ADAMTS8: variants seen among roughly 807,000 people sequenced by gnomAD.
ADAMTS8 encodes the protein A disintegrin and metalloproteinase with thrombospondin motifs 8.
Under a neutral mutation model 64.4 loss-of-function variants are expected in ADAMTS8, and 50 were observed. That is an observed-to-expected ratio of 0.78 (90% CI 0.62 to 0.98). The LOEUF (loss-of-function observed/expected upper bound fraction) is 0.98, where lower values mean the gene tolerates loss of function less well. ADAMTS8 is among the 50% of genes least tolerant of loss of function. The probability of loss-of-function intolerance (pLI) is 0.00; values close to 1 mark genes in which losing one functional copy is unlikely to be tolerated. For missense variants in ADAMTS8, 1,192 were observed against 1,208.2 expected (o/e 0.99, Z 0.20); for synonymous variants, 556 against 533.6 (o/e 1.04, Z -0.58).
chr11:130,411,708 T>C lies in ADAMTS8; in HGVS notation c.1567-108A>G. On this transcript the variant is annotated intron_variant, in intron 5 of 8. Coordinates refer to ENST00000257359, the MANE Select transcript of ADAMTS8 (RefSeq NM_007037.6). The surrounding 1 kb of genome is among the most constrained non-coding windows in gnomAD (Gnocchi z 4.2). ...GCTTCCTCATCTAGTCATTATCATC[T>C]TGGTGCATGGAGTGCCGTAAACTGC... is the stretch of plus-strand genomic sequence containing the variant. 8.6e-7 allele frequency: 1 copy of C among 1,163,884 alleles called. No individual in the cohort carries two copies. The highest frequency in any genetic ancestry group is 1.2e-6 in the Non-Finnish European group (1 of 814,790). The allele number at this position is 1,163,884 out of a possible 1,614,324, so 72.1% of individuals were successfully genotyped here. A position where few individuals can be genotyped will look rare whatever the true frequency, so the allele number is the denominator to read the frequency against.
Position 130,428,085 on chromosome 11 carries a change from G to T in ADAMTS8, c.202C>A (p.Leu68Met). Residue 68 changes from leucine to methionine, a missense_variant, in exon 1 of 9, where the codon CTG (leucine) becomes ATG (methionine). Physicochemically the swap from Leu to Met is conservative, Grantham distance 15 (BLOSUM62 2). Coordinates refer to ENST00000257359, the MANE Select transcript of ADAMTS8 (RefSeq NM_007037.6). ...SAFGKGFVLRLAPDDSFLAPE... is the reference protein window; with the variant it reads ...SAFGKGFVLRMAPDDSFLAPE... ...GCTAGGAAGCTGTCGTCGGGCGCCA[G>T]GCGCAGCACGAAGCCCTTGCCGAAG... 6.5e-7 allele frequency: 1 copy of T among 1,538,594 alleles called. No homozygotes were observed. The highest frequency in any genetic ancestry group is 1.2e-5 in the South Asian group (1 of 84,122).
In ADAMTS8 at chr11:130,411,138, G is replaced by GAGCGTAA. The variant is rs2134676346; in HGVS notation, c.1750+272_1750+278dup. ...TCCTCCTCTCCACATCTTGGAAGATGAGCGTAATTTCTCTCCTTGACTTTG... is the reference window on the plus strand; with the variant it reads ...TCCTCCTCTCCACATCTTGGAAGATGAGCGTAAAGCGTAATTTCTCTCCTTGACTTTG... On this transcript the variant is annotated intron_variant, in intron 6 of 8. Transcript: ENST00000257359. This position sits in a 1 kb window ranked among gnomAD's most constrained non-coding sequence, Gnocchi z 4.2. Among the ~76,000 whole-genome samples, 1 of 152,270 alleles carries GAGCGTAA rather than the reference G, an allele frequency of 6.6e-6. No individual in the cohort carries two copies. Among genetic ancestry groups the GAGCGTAA allele is most frequent in the East Asian group, 1.9e-4 (1 of 5,170 alleles).
chr11:130,405,787 A>C lies in ADAMTS8; in HGVS notation c.2441T>G (p.Phe814Cys), dbSNP rs776841022. 4.3e-6 allele frequency: 7 copies of C among 1,614,042 alleles called. No homozygotes were observed. The East Asian group carries it at 1.3e-4, about 31-fold the overall frequency. Residue 814 changes from phenylalanine to cysteine, a missense_variant, in exon 9 of 9, where the codon TTT becomes TGT. By Grantham distance (205) the Phe-to-Cys change is radical (BLOSUM62 -2). Around this residue, in one of 5 missense-constraint regions of ADAMTS8, gnomAD observed 147 missense variants for 154.1 expected, o/e 0.95. Transcript: ENST00000257359. ...YTFFVPNDVD[F>C]SMQSSKERAT... ...TCTCTCTTTGCTGCTCTGCATGCTAAAGTCCACGTCATTAGGAACAAAGAA... is the reference window on the plus strand; with the variant it reads ...TCTCTCTTTGCTGCTCTGCATGCTACAGTCCACGTCATTAGGAACAAAGAA...
chr11:130,428,092 C>G lies in ADAMTS8; in HGVS notation c.195G>C (p.Val65=), dbSNP rs1862202412. 1.1e-5 allele frequency: 17 copies of G among 1,535,600 alleles called. No individual in the cohort carries two copies. The highest frequency in any genetic ancestry group is 1.5e-5 in the Non-Finnish European group (17 of 1,150,512). The stretch of plus-strand genomic sequence containing the variant: ...AGCTGTCGTCGGGCGCCAGGCGCAG[C>G]ACGAAGCCCTTGCCGAAGGCGGACA... ...LHLSAFGKGF[V]LRLAPDDSFL... The change falls in exon 1 of 9, where the codon GTG becomes GTC. Residue 65 remains valine (V), a synonymous_variant. Transcript: ENST00000257359.
chr11:130,419,030 G>T, intron 2 of ADAMTS8, 23 bp downstream of exon 2: 1 of 1,613,510 alleles, frequency 6.2e-7, no homozygotes, highest in Non-Finnish European at 8.5e-7. Context: ...TCCTCCCCAG[G>T]GCTTCCGGAG....
In ADAMTS8 at chr11:130,411,600, G is replaced by C; in HGVS notation, c.1567C>G (p.Pro523Ala). ...GGTGCCCAGCCTCCATCTGCCACGG[G>C]CTGCAACATACAATGGCACACTGAA... ...LPEEEVERPK[P>A]VADGGWAPWG... is the part of the protein sequence containing the mutation. The change falls in exon 6 of 9, where the codon CCC (proline) becomes GCC (alanine). Residue 523 changes from proline to alanine, a missense_variant and splice_region_variant. Pro to Ala is a conservative substitution (Grantham distance 27). Coordinates refer to ENST00000257359, the MANE Select transcript of ADAMTS8 (RefSeq NM_007037.6). This position sits in a 1 kb window ranked among gnomAD's most constrained non-coding sequence, Gnocchi z 4.2. 2 of 1,613,944 alleles carry C rather than the reference G, an allele frequency of 1.2e-6. No homozygotes were observed. Among genetic ancestry groups the C allele is most frequent in the Non-Finnish European group, 1.7e-6 (2 of 1,179,918 alleles).
chr11:130,427,187 C>A (rs1250558694), intron 1 of ADAMTS8, among the ~76,000 whole-genome samples: 1 of 152,240 alleles, frequency 6.6e-6, no homozygotes, highest in African/African-American at 2.4e-5. Flanking sequence ...GGGAGCTATT[C>A]GTAAACGCTC....
At chr11:130,409,722 C>A (rs867929570) in intron 6 of ADAMTS8, among the ~76,000 whole-genome samples, 2 of 152,252 alleles carry the variant, frequency 1.3e-5, no homozygotes, top group Non-Finnish European at 2.9e-5. Flanking sequence ...CATCCTGCCA[C>A]GTGCTGCTGC....
chr11:130,415,373 G>A lies in ADAMTS8; in HGVS notation c.1265-541C>T, dbSNP rs142342779. On this transcript the variant is annotated intron_variant, in intron 4 of 8. Transcript: ENST00000257359. ...GGCTGGAGTGCAGTGGCTCGATCTC[G>A]GCTCACCGCAACCTCCACCTCCCGG... Among the ~76,000 whole-genome samples, 1,302 of 151,962 alleles carry A rather than the reference G, an allele frequency of 8.6e-3. 22 individuals are homozygous for A. Among genetic ancestry groups the A allele is most frequent in the African/African-American group, 0.03 (1,243 of 41,428 alleles).
intron 5 of ADAMTS8, among the ~76,000 whole-genome samples, chr11:130,412,737 C>T (rs1309463893): frequency 6.6e-6 from 1 of 152,182 alleles, no homozygotes; most frequent in Non-Finnish European, 1.5e-5. Flanking sequence ...ATGATTTTCA[C>T]CAATATTTTT....
chr11:130,424,380 G>A (rs1201773074), intron 1 of ADAMTS8, among the ~76,000 whole-genome samples: 1 of 152,190 alleles, frequency 6.6e-6, no homozygotes, highest in Non-Finnish European at 1.5e-5. Flanking sequence ...GTAAAACCAC[G>A]CTGTGAATTG....
intron 1 of ADAMTS8, among the ~76,000 whole-genome samples, chr11:130,420,030 G>A (rs1052815019): frequency 1.3e-5 from 2 of 152,236 alleles, no homozygotes; most frequent in African/African-American, 4.8e-5. Flanking sequence ...GGAAGGTCAT[G>A]CAAATTAACC....
chr11:130,416,053 G>T lies in ADAMTS8; in HGVS notation c.1264+110C>A. On this transcript the variant is annotated intron_variant, in intron 4 of 8. Transcript: ENST00000257359. This position sits in a 1 kb window ranked among gnomAD's most constrained non-coding sequence, Gnocchi z 4.8. ...GCCCCAGCGTGGGAGGCTGGCCGGGGACTCAGCTCTAAGGGCCCTGTGAGG... is the reference window on the plus strand; with the variant it reads ...GCCCCAGCGTGGGAGGCTGGCCGGGTACTCAGCTCTAAGGGCCCTGTGAGG... 7.7e-7 allele frequency: 1 copy of T among 1,301,990 alleles called. No individual in the cohort carries two copies. 80.7% of individuals were successfully genotyped at this position (1,301,990 alleles called of 1,614,324 possible).
Position 130,417,005 on chromosome 11 carries a change from T to C in ADAMTS8, c.1031A>G (p.Asn344Ser), listed in dbSNP as rs1565377832. Residue 344 changes from asparagine (N) to serine (S), a missense_variant, in exon 3 of 9, where the codon AAC becomes AGC. Physicochemically the swap from Asn to Ser is conservative, Grantham distance 46 (BLOSUM62 1). Around this residue, in one of 5 missense-constraint regions of ADAMTS8, gnomAD observed 741 missense variants for 710.6 expected, o/e 1.04. Coordinates refer to ENST00000257359, the MANE Select transcript of ADAMTS8 (RefSeq NM_007037.6). ...ATCCTCGATCACGGAGCAGCTTTTG[T>C]TGGGGTCACAAATGGTCCCGATGTC... ...VADIGTICDPNKSCSVIEDEG... is the reference protein window; with the variant it reads ...VADIGTICDPSKSCSVIEDEG... 1.9e-6 allele frequency: 3 copies of C among 1,614,094 alleles called. No individual in the cohort carries two copies. The highest frequency in any genetic ancestry group is 2.5e-6 in the Non-Finnish European group (3 of 1,180,026).
intron 1 of ADAMTS8, among the ~76,000 whole-genome samples, chr11:130,419,536 T>C (rs1205177936): frequency 2.0e-5 from 3 of 152,250 alleles, no homozygotes; most frequent in Non-Finnish European, 4.4e-5. Flanking sequence ...CAGACCTGCC[T>C]TGCTCCGAAC....
intron 1 of ADAMTS8, among the ~76,000 whole-genome samples, chr11:130,419,628 G>A (rs989479502): frequency 2.6e-5 from 4 of 152,190 alleles, no homozygotes; most frequent in Admixed American, 6.5e-5. Flanking sequence ...AACTTATAGC[G>A]TGGCACAGGC....
In ADAMTS8 at chr11:130,414,645, G is replaced by A. The variant is rs762968580; in HGVS notation, c.1452C>T (p.Pro484=). 3.7e-6 allele frequency: 6 copies of A among 1,613,614 alleles called. No homozygotes were observed. The highest frequency in any genetic ancestry group is 1.1e-5 in the South Asian group (1 of 91,080). Residue 484 remains proline, a synonymous_variant, in exon 5 of 9, where the codon CCC becomes CCT. Transcript: ENST00000257359. The part of the protein sequence containing the change: ...QLWCHTDGAE[P]LCHTKNGSLP... ...GGCTGCCATTCTTCGTGTGGCACAG[G>A]GGCTCAGCCCCATCAGTGTGGCACC... is the stretch of plus-strand genomic sequence containing the variant.
At position 130,405,011 on chromosome 11, in the gene ADAMTS8, G is replaced by A; in HGVS notation, c.*547C>T. The A allele has an allele frequency of 1.0e-6, 1 of 986,744 alleles. No individual in the cohort carries two copies. The highest frequency in any genetic ancestry group is 4.7e-5 in the South Asian group (1 of 21,296). 61.1% of individuals were successfully genotyped at this position (986,744 alleles called of 1,614,324 possible). On this transcript the variant is annotated 3_prime_UTR_variant, in exon 9 of 9. Transcript: ENST00000257359. ...CCTGCAGGTGGCAGCCTGAGAACAT[G>A]TGGCTCTCCAAACCCTGCGACGCTG...
At chr11:130,419,721 A>T (rs1367544217) in intron 1 of ADAMTS8, among the ~76,000 whole-genome samples, 1 of 152,228 alleles carries the variant, frequency 6.6e-6, no homozygotes, top group African/African-American at 2.4e-5. Context: ...ACTGGACGGC[A>T]TGGCTTATTC....
Sources: allele counts gnomAD v4.1 joint callset (sites outside exome capture counted in the v4.1 genomes callset), GRCh38; gene constraint gnomAD v4.1.1; regional missense constraint gnomAD v4.1.1; non-coding constraint Gnocchi (gnomAD v3.1); transcripts MANE v1.5; gene names NCBI Gene and HGNC (gene_info 2026-07-23, HGNC 2026-07-21).